The following AUTS2 variants were observed in gnomAD, a reference collection of about 807,000 sequenced individuals.
The protein encoded by AUTS2 is activator of transcription and developmental regulator AUTS2.
AUTS2 carries 17 observed loss-of-function variants against 112.4 expected under a neutral mutation model. The ratio of observed to expected loss-of-function variants is 0.15; its 90% CI spans 0.10 to 0.23. AUTS2 has a LOEUF of 0.23. AUTS2 is among the 10% of genes least tolerant of loss of function. AUTS2 has a pLI of 1.00. For missense variants in AUTS2, 1,510 were observed against 1,701.6 expected (o/e 0.89, Z 1.98); for synonymous variants, 751 against 702.7 (o/e 1.07, Z -1.09).
Position 70,136,512 on chromosome 7 carries a change from G to A in AUTS2, c.660+1941G>A, listed in dbSNP as rs576580192. ...ATTTCAGATACTAACTTCCACACTG[G>A]TGAGTTTCATACTTCTAAGTGGAAA... On this transcript the variant is annotated intron_variant, in intron 4 of 18. Coordinates refer to ENST00000342771, the MANE Select transcript of AUTS2 (RefSeq NM_015570.4). Among the ~76,000 whole-genome samples the A allele has an allele frequency of 1.9e-3, 283 of 152,168 alleles. 1 individual carries two copies. Among genetic ancestry groups the A allele is most frequent in the Non-Finnish European group, 3.7e-3 (253 of 68,016 alleles).
intron 1 of AUTS2, among the ~76,000 whole-genome samples, chr7:69,765,734 G>A (rs760314115): frequency 1.3e-5 from 2 of 151,996 alleles, no homozygotes; most frequent in Non-Finnish European, 2.9e-5. Flanking sequence ...GAGCTCAGGA[G>A]TTTGAGACCA....
At chr7:69,946,212 C>T (rs1347088445) in intron 2 of AUTS2, among the ~76,000 whole-genome samples, 1 of 152,108 alleles carries the variant, frequency 6.6e-6, no homozygotes, top group Non-Finnish European at 1.5e-5. Flanking sequence ...TTATGTCTGA[C>T]TTCTTTCACT....
At chr7:70,504,629 T>A (rs1798893903) in intron 5 of AUTS2, among the ~76,000 whole-genome samples, 1 of 152,216 alleles carries the variant, frequency 6.6e-6, no homozygotes, top group Non-Finnish European at 1.5e-5. Flanking sequence ...TTGATTGGTA[T>A]CTTCTCCTTT....
At chr7:69,931,185 G>A (rs1796214174) in intron 2 of AUTS2, among the ~76,000 whole-genome samples, 1 of 151,938 alleles carries the variant, frequency 6.6e-6, no homozygotes, top group African/African-American at 2.4e-5. Context: ...GTTACTTGGT[G>A]TGCTGCTTGA....
intron 2 of AUTS2, among the ~76,000 whole-genome samples, chr7:69,996,824 T>G (rs912897719): frequency 6.6e-6 from 1 of 151,960 alleles, no homozygotes; most frequent in East Asian, 1.9e-4. Context: ...ACTCATAAAC[T>G]GTATGTTTAC....
At chr7:70,630,691 T>G (rs1805213167) in intron 5 of AUTS2, among the ~76,000 whole-genome samples, 1 of 152,222 alleles carries the variant, frequency 6.6e-6, no homozygotes, top group African/African-American at 2.4e-5. Context: ...TTCTCGGAAC[T>G]AGCTGAGCTG....
At chr7:69,850,519 A>G (rs1792430832) in intron 1 of AUTS2, among the ~76,000 whole-genome samples, 1 of 146,484 alleles carries the variant, frequency 6.8e-6, no homozygotes, top group Non-Finnish European at 1.5e-5. Context: ...CAGGATTTGG[A>G]ATTGTTGCTG....
intron 1 of AUTS2, among the ~76,000 whole-genome samples, chr7:69,888,571 A>ATATATG (rs1183383287): frequency 7.3e-6 from 1 of 137,906 alleles, no homozygotes; most frequent in East Asian, 2.1e-4. Flanking sequence ...ATATATATAT[A>ATATATG]TGTATGGTTT....
chr7:70,304,829 C>A (rs955404028), intron 4 of AUTS2, among the ~76,000 whole-genome samples: 1 of 145,430 alleles, frequency 6.9e-6, no homozygotes, highest in Admixed American at 7.2e-5. Context: ...GGATGCTCAA[C>A]CTATAATACC....
At chr7:70,031,759 C>T (rs1268933549) in intron 2 of AUTS2, among the ~76,000 whole-genome samples, 2 of 152,146 alleles carry the variant, frequency 1.3e-5, no homozygotes, top group African/African-American at 4.8e-5. Context: ...TCTGTGTATT[C>T]ATCGAGTGAA....
chr7:69,996,100 C>A (rs1798933174), intron 2 of AUTS2, among the ~76,000 whole-genome samples: 1 of 152,138 alleles, frequency 6.6e-6, no homozygotes, highest in African/African-American at 2.4e-5. Context: ...TTCTAAGCTC[C>A]CTCCATGATG....
chr7:69,934,831 G>A (rs1796349730), intron 2 of AUTS2, among the ~76,000 whole-genome samples: 1 of 152,178 alleles, frequency 6.6e-6, no homozygotes, highest in Admixed American at 6.5e-5. Context: ...CACTCTGCAG[G>A]AGTTGGCTTT....
chr7:69,852,166 A>G (rs1195443665), intron 1 of AUTS2, among the ~76,000 whole-genome samples: 1 of 152,224 alleles, frequency 6.6e-6, no homozygotes, highest in South Asian at 2.1e-4. Context: ...CTTGGTTTTT[A>G]TAAATATGTA....
chr7:70,421,030 A>G (rs1795196407), intron 4 of AUTS2, among the ~76,000 whole-genome samples: 1 of 152,156 alleles, frequency 6.6e-6, no homozygotes, highest in Admixed American at 6.5e-5. Context: ...AGAAAGCTAT[A>G]TTTTGACAAA....
intron 1 of AUTS2, among the ~76,000 whole-genome samples, chr7:69,849,866 A>G (rs1387842593): frequency 2.0e-5 from 3 of 152,018 alleles, no homozygotes; most frequent in Non-Finnish European, 4.4e-5. Context: ...GATTCTTTTT[A>G]CTTTTGGGCT....
At chr7:70,146,637 A>G (rs1238448816) in intron 4 of AUTS2, among the ~76,000 whole-genome samples, 1 of 152,116 alleles carries the variant, frequency 6.6e-6, no homozygotes, top group Non-Finnish European at 1.5e-5. Context: ...CATGAGCCTG[A>G]ATAATAAAGG....
intron 2 of AUTS2, among the ~76,000 whole-genome samples, chr7:70,112,863 A>G (rs931137322): frequency 4.6e-5 from 7 of 152,000 alleles, no homozygotes; most frequent in African/African-American, 1.2e-4. Context: ...TAATGTATTT[A>G]TATTATTATC....
chr7:70,549,134 T>C (rs758890310), intron 5 of AUTS2, among the ~76,000 whole-genome samples: 18 of 152,248 alleles, frequency 1.2e-4, no homozygotes, highest in Non-Finnish European at 2.4e-4. Context: ...TTTTGTGTTA[T>C]TGTGAATAAA....
chr7:69,947,270 TG>T (rs1796852815), intron 2 of AUTS2, among the ~76,000 whole-genome samples: 1 of 152,148 alleles, frequency 6.6e-6, no homozygotes, highest in African/African-American at 2.4e-5. Context: ...GGCAGTTCAG[TG>T]CTTGCCGACT....
Sources: allele counts gnomAD v4.1 joint callset (sites outside exome capture counted in the v4.1 genomes callset), GRCh38; gene constraint gnomAD v4.1.1; transcripts MANE v1.5; gene names NCBI Gene and HGNC (gene_info 2026-07-23, HGNC 2026-07-21).